Variants in DPP6 observed in about 807,000 individuals in gnomAD.
DPP6 encodes A-type potassium channel modulatory protein DPP6.
DPP6 carries 69 observed loss-of-function variants against 122.6 expected under a neutral mutation model. That is an observed-to-expected ratio of 0.56 (90% CI 0.46 to 0.69). The LOEUF is 0.69. DPP6 is among the 30% of genes least tolerant of loss of function. The probability of loss-of-function intolerance (pLI) is 0.00; values close to 1 mark genes in which losing one functional copy is unlikely to be tolerated. For synonymous variants in DPP6, 418 were observed against 433.1 expected, an observed-to-expected ratio of 0.97 and a Z score of 0.43; for missense variants, 928 against 1,116.9, an observed-to-expected ratio of 0.83 and a Z score of 2.41.
At chr7:153,769,816 C>G in the DPP6 span, among the ~76,000 whole-genome samples, 7 of 152,170 alleles carry the variant, frequency 4.6e-5, no homozygotes, top group South Asian at 1.5e-3. Flanking sequence ...AGACTACAGG[C>G]TGAAATAGGG....
intron 1 of DPP6, among the ~76,000 whole-genome samples, chr7:154,425,671 C>A (rs1817858931): frequency 6.7e-6 from 1 of 149,664 alleles, no homozygotes; most frequent in Non-Finnish European, 1.5e-5. Flanking sequence ...GAGATGGAGT[C>A]TCATTCTGAA....
chr7:153,900,272 T>C (rs1799589394), intron 1 of DPP6, among the ~76,000 whole-genome samples: 1 of 151,780 alleles, frequency 6.6e-6, no homozygotes, highest in Admixed American at 6.6e-5. Flanking sequence ...ACAAACTTTT[T>C]CAACCTCTGC....
chr7:154,760,715 C>G lies in DPP6; in HGVS notation c.884-8702C>G, dbSNP rs1446571290. Among the ~76,000 whole-genome samples the G allele has an allele frequency of 6.6e-6, 1 of 152,034 alleles. No homozygotes were observed. Among genetic ancestry groups the G allele is most frequent in the African/African-American group, 2.4e-5 (1 of 41,388 alleles). ...AGGCAGGTGAGCAGAAGACATCAGG[C>G]CCAGAAGTTCTGGAAGCTCCCTCAG... is the stretch of plus-strand genomic sequence containing the variant. On this transcript the variant is annotated intron_variant, in intron 8 of 25. Transcript: ENST00000377770. The surrounding 1 kb of genome is among the most constrained non-coding windows in gnomAD (Gnocchi z 4.5).
chr7:154,795,088 G>A (rs1211810559), intron 11 of DPP6, among the ~76,000 whole-genome samples: 1 of 152,078 alleles, frequency 6.6e-6, no homozygotes, highest in African/African-American at 2.4e-5. Context: ...TGATGAGCTT[G>A]CTTGAGGGGA....
At chr7:153,954,118 G>C (rs1802346319) in intron 1 of DPP6, among the ~76,000 whole-genome samples, 1 of 152,200 alleles carries the variant, frequency 6.6e-6, no homozygotes, top group African/African-American at 2.4e-5. Flanking sequence ...ACCCAGACAA[G>C]TGTTTGACCA....
chr7:154,057,688 G>C (rs541082164), intron 1 of DPP6: 1 of 150,622 alleles, frequency 6.6e-6, no homozygotes, highest in Non-Finnish European at 1.5e-5. Context: ...CACAAAGGGG[G>C]CGGGGACCCG....
At chr7:154,317,546 A>G (rs1039491137) in intron 1 of DPP6, among the ~76,000 whole-genome samples, 1 of 152,188 alleles carries the variant, frequency 6.6e-6, no homozygotes, top group Non-Finnish European at 1.5e-5. Flanking sequence ...CTAGTTCTAT[A>G]GTGATACTAT....
chr7:153,907,749 G>A (rs1799908729), intron 1 of DPP6, among the ~76,000 whole-genome samples: 2 of 152,158 alleles, frequency 1.3e-5, no homozygotes, highest in Admixed American at 6.5e-5. Flanking sequence ...TTTTCTCTGG[G>A]TTTCCAGCCT....
chr7:154,477,481 T>G (rs1049748463), intron 3 of DPP6, among the ~76,000 whole-genome samples: 1 of 152,054 alleles, frequency 6.6e-6, no homozygotes, highest in Non-Finnish European at 1.5e-5. Context: ...GTATATATTT[T>G]TATTAGAAAG....
At chr7:154,702,150 A>T (rs912522979) in intron 7 of DPP6, among the ~76,000 whole-genome samples, 1 of 152,248 alleles carries the variant, frequency 6.6e-6, no homozygotes, top group Non-Finnish European at 1.5e-5. Context: ...AACTGTGCCT[A>T]TATAAGGTGG....
intron 1 of DPP6, among the ~76,000 whole-genome samples, chr7:154,019,368 CTTCTCT>C (rs1798587288): frequency 6.6e-6 from 1 of 151,824 alleles, no homozygotes; most frequent in African/African-American, 2.4e-5. Flanking sequence ...TCTTTTCTCT[CTTCTCT>C]TTCTATTTCT....
intron 1 of DPP6, among the ~76,000 whole-genome samples, chr7:153,918,559 ACACACAGTCT>A (rs1800464439): frequency 1.2e-5 from 1 of 83,144 alleles, no homozygotes; most frequent in Non-Finnish European, 2.5e-5. Context: ...ACACACACAC[ACACACAGTCT>A]CTCTCTCTCT....
At chr7:154,840,318 G>A (rs1470290222) in intron 16 of DPP6, among the ~76,000 whole-genome samples, 1 of 152,202 alleles carries the variant, frequency 6.6e-6, no homozygotes, top group African/African-American at 2.4e-5. Context: ...GTCACACGGT[G>A]GACCAACCAT....
chr7:154,098,738 A>AGG (rs1554462720), intron 1 of DPP6, among the ~76,000 whole-genome samples: 3 of 150,244 alleles, frequency 2.0e-5, no homozygotes, highest in Non-Finnish European at 4.4e-5. Context: ...AAGGAGAAGA[A>AGG]AGAGGAATGG....
At chr7:154,568,905 A>C (rs1830936556) in intron 5 of DPP6, among the ~76,000 whole-genome samples, 1 of 152,218 alleles carries the variant, frequency 6.6e-6, no homozygotes, top group Non-Finnish European at 1.5e-5. Flanking sequence ...AGTAATCCTT[A>C]ATAGTTTTCA....
chr7:153,912,849 T>G (rs1228519954), intron 1 of DPP6, among the ~76,000 whole-genome samples: 1 of 152,164 alleles, frequency 6.6e-6, no homozygotes, highest in Non-Finnish European at 1.5e-5. Context: ...GCCTCCTCAT[T>G]AACACTCTAA....
intron 1 of DPP6, among the ~76,000 whole-genome samples, chr7:153,897,640 C>CT (rs1472799454): frequency 6.6e-6 from 1 of 152,186 alleles, no homozygotes; most frequent in Non-Finnish European, 1.5e-5. Context: ...GAAAATGTCT[C>CT]TATTTCTTTC....
Position 154,634,659 on chromosome 7 carries a change from C to T in DPP6, c.628-3162C>T, listed in dbSNP as rs190540621. ...TCCTCTTCTTCCTCCTCCTCCTCCTCTTCCTCCTCTTCCCCTTCTCCTTCT... is the reference window on the plus strand; with the variant it reads ...TCCTCTTCTTCCTCCTCCTCCTCCTTTTCCTCCTCTTCCCCTTCTCCTTCT... On this transcript the variant is annotated intron_variant, in intron 5 of 25. Transcript: ENST00000377770. Among the ~76,000 whole-genome samples the T allele has an allele frequency of 2.9e-4, 41 of 141,486 alleles. No individual in the cohort carries two copies. The East Asian group carries it at 7.0e-3, about 24-fold the overall frequency. 92.8% of individuals were successfully genotyped at this position (141,486 alleles called of 152,430 possible). A position where few individuals can be genotyped will look rare whatever the true frequency, so the allele number is the denominator to read the frequency against.
At chr7:154,002,210 T>C (rs28399855) in intron 1 of DPP6, among the ~76,000 whole-genome samples, 140,445 of 151,938 alleles carry the variant, frequency 0.92, 64,970 homozygotes, top group African/African-American at 0.96. Flanking sequence ...CTTTCAGTCT[T>C]TTCATGTCAT....
Sources: allele counts gnomAD v4.1 joint callset (sites outside exome capture counted in the v4.1 genomes callset), GRCh38; gene constraint gnomAD v4.1.1; non-coding constraint Gnocchi (gnomAD v3.1); transcripts MANE v1.5; gene names NCBI Gene and HGNC (gene_info 2026-07-23, HGNC 2026-07-21).